ZFHX3: variants seen among roughly 807,000 people sequenced by gnomAD.
ZFHX3 encodes zinc finger homeobox 3.
Under a neutral mutation model 279.1 loss-of-function variants are expected in ZFHX3, and 42 were observed. The observed-to-expected ratio is 0.15, with a 90% CI of 0.12 to 0.19. The LOEUF is 0.19. ZFHX3 is among the 10% of genes least tolerant of loss of function. The pLI, the probability that ZFHX3 is intolerant of heterozygous loss-of-function variation, is 1.00. For missense variants in ZFHX3, 4,981 were observed against 4,754.0 expected, an observed-to-expected ratio of 1.05 and a Z score of -1.40; for synonymous variants, 2,293 against 1,957.8, an observed-to-expected ratio of 1.17 and a Z score of -4.52.
intron 3 of ZFHX3, among the ~76,000 whole-genome samples, chr16:73,334,353 G>A (rs1415511236): frequency 2.0e-5 from 3 of 152,148 alleles, no homozygotes; most frequent in Non-Finnish European, 4.4e-5. Flanking sequence ...AAGGAGGAAG[G>A]GGATGTCAAG....
intron 6 of ZFHX3, among the ~76,000 whole-genome samples, chr16:73,135,325 G>T (rs530554372): frequency 4.1e-4 from 62 of 152,272 alleles, no homozygotes; most frequent in African/African-American, 1.4e-3. Flanking sequence ...TGTACAAAGA[G>T]AATCAGAAAG....
intron 2 of ZFHX3, chr16:73,499,358 T>A (rs890711701): frequency 6.6e-6 from 1 of 152,076 alleles, no homozygotes; most frequent in African/African-American, 2.4e-5. Context: ...TGCACTTGGG[T>A]TTGAGAGGTG....
intron 1 of ZFHX3, among the ~76,000 whole-genome samples, chr16:73,852,539 G>A (rs1039719861): frequency 6.6e-6 from 1 of 152,152 alleles, no homozygotes; most frequent in Non-Finnish European, 1.5e-5. Flanking sequence ...CAAAATGTTT[G>A]TTATTAAAAA....
At chr16:73,476,799 A>C (rs570260713) in intron 2 of ZFHX3, among the ~76,000 whole-genome samples, 1 of 152,234 alleles carries the variant, frequency 6.6e-6, no homozygotes, top group African/African-American at 2.4e-5. Context: ...TCATTAAAAA[A>C]TGGAGTATTA....
intron 3 of ZFHX3, among the ~76,000 whole-genome samples, chr16:72,920,489 G>A (rs1253645516): frequency 2.0e-5 from 3 of 151,516 alleles, no homozygotes; most frequent in Non-Finnish European, 2.9e-5. Flanking sequence ...AGACCAGCCT[G>A]GCCAACATGG....
intron 1 of ZFHX3, among the ~76,000 whole-genome samples, chr16:73,835,628 G>A (rs1393098778): frequency 2.0e-5 from 3 of 151,658 alleles, no homozygotes; most frequent in Non-Finnish European, 4.4e-5. Context: ...CCGCCACCAT[G>A]CCCAGTTAAA....
At chr16:73,122,953 A>T (rs1205638143) in intron 7 of ZFHX3, among the ~76,000 whole-genome samples, 1 of 152,104 alleles carries the variant, frequency 6.6e-6, no homozygotes, top group Non-Finnish European at 1.5e-5. Flanking sequence ...ATTCTGCTCT[A>T]GCCTAATTAA....
At chr16:72,953,089 A>G (rs751710895) in intron 2 of ZFHX3, among the ~76,000 whole-genome samples, 1 of 152,090 alleles carries the variant, frequency 6.6e-6, no homozygotes, top group Admixed American at 6.6e-5. Context: ...ACCTCGAGTG[A>G]TAAGATCAGT....
At chr16:73,544,498 G>A (rs1350157829) in intron 2 of ZFHX3, among the ~76,000 whole-genome samples, 1 of 152,080 alleles carries the variant, frequency 6.6e-6, no homozygotes. Flanking sequence ...ACCCAAACTC[G>A]TTTCCCTCCA....
chr16:73,627,204 G>T (rs1197865824), intron 2 of ZFHX3, among the ~76,000 whole-genome samples: 2 of 152,176 alleles, frequency 1.3e-5, no homozygotes, highest in Non-Finnish European at 2.9e-5. Context: ...GTAGGCAATA[G>T]CAAACTGACT....
At chr16:73,176,868 AT>A (rs1236834751) in intron 5 of ZFHX3, among the ~76,000 whole-genome samples, 1 of 151,944 alleles carries the variant, frequency 6.6e-6, no homozygotes, top group Non-Finnish European at 1.5e-5. Flanking sequence ...CATCAGAGCA[AT>A]TTTTTTCATC....
At chr16:73,633,743 C>T (rs971752279) in intron 2 of ZFHX3, among the ~76,000 whole-genome samples, 3 of 151,902 alleles carry the variant, frequency 2.0e-5, no homozygotes, top group Non-Finnish European at 4.4e-5. Flanking sequence ...CTTTTGAATA[C>T]GAAAATTAGT....
intron 5 of ZFHX3, among the ~76,000 whole-genome samples, chr16:73,164,276 T>C (rs59066461): frequency 0.28 from 42,167 of 152,120 alleles, 6,060 homozygotes; most frequent in Admixed American, 0.36. Context: ...TAAGGCTATG[T>C]TTAAATCCTG....
chr16:72,992,279 A>G (rs1408741445), intron 1 of ZFHX3, among the ~76,000 whole-genome samples: 1 of 152,156 alleles, frequency 6.6e-6, no homozygotes, highest in Admixed American at 6.5e-5. Flanking sequence ...GCAGCCATCA[A>G]CAGCACTTCT....
intron 2 of ZFHX3, among the ~76,000 whole-genome samples, chr16:73,621,298 A>T (rs2143903999): frequency 6.6e-6 from 1 of 152,274 alleles, no homozygotes; most frequent in East Asian, 1.9e-4. Flanking sequence ...GTCTCGATAA[A>T]ATGCTGTTGG....
intron 3 of ZFHX3, among the ~76,000 whole-genome samples, chr16:72,939,529 A>T (rs981315832): frequency 1.3e-5 from 2 of 152,210 alleles, no homozygotes; most frequent in Admixed American, 6.5e-5. Context: ...ACTCGCTCCC[A>T]AGGGCAAAAG....
intron 2 of ZFHX3, among the ~76,000 whole-genome samples, chr16:73,529,189 G>A (rs761812987): frequency 3.5e-4 from 53 of 152,194 alleles, no homozygotes; most frequent in East Asian, 5.8e-4. Flanking sequence ...ATTTCATTCC[G>A]CCAGTTAGAC....
intron 2 of ZFHX3, among the ~76,000 whole-genome samples, chr16:73,673,240 C>G (rs2052921595): frequency 6.6e-6 from 1 of 152,138 alleles, no homozygotes; most frequent in South Asian, 2.1e-4. Context: ...GGAAGGGGCA[C>G]ACGGGTAGAG....
chr16:73,726,475 T>C (rs116801702), intron 1 of ZFHX3, among the ~76,000 whole-genome samples: 334 of 152,266 alleles, frequency 2.2e-3, no homozygotes, highest in African/African-American at 7.7e-3. Context: ...GTCCTACGCA[T>C]TGTAGGATGT....
Sources: allele counts gnomAD v4.1 joint callset (sites outside exome capture counted in the v4.1 genomes callset), GRCh38; gene constraint gnomAD v4.1.1; transcripts MANE v1.5; gene names NCBI Gene and HGNC (gene_info 2026-07-23, HGNC 2026-07-21).